BMP1: variants seen among roughly 807,000 people sequenced by gnomAD.
BMP1 encodes the protein bone morphogenetic protein 1.
BMP1 carries 63 observed loss-of-function variants against 116.8 expected under a neutral mutation model. The observed-to-expected ratio is 0.54, with a 90% CI of 0.44 to 0.67. The LOEUF is 0.67. Ranked by LOEUF, BMP1 falls within the 30% of genes least tolerant of loss-of-function variation. The pLI, the probability that BMP1 is intolerant of heterozygous loss-of-function variation, is 0.00. For missense variants in BMP1, 1,183 were observed against 1,358.9 expected, an observed-to-expected ratio of 0.87 and a Z score of 2.04; for synonymous variants, 536 against 533.4, an observed-to-expected ratio of 1.00 and a Z score of -0.07.
At chr8:22,192,611 TC>T (rs1828966456) in intron 9 of BMP1, among the ~76,000 whole-genome samples, 1 of 152,182 alleles carries the variant, frequency 6.6e-6, no homozygotes, top group Non-Finnish European at 1.5e-5. Context: ...CCAGCCCATC[TC>T]CTAACTCACT....
At chr8:22,189,267 T>G (rs1262288890) in intron 8 of BMP1, among the ~76,000 whole-genome samples, 1 of 152,080 alleles carries the variant, frequency 6.6e-6, no homozygotes, top group East Asian at 1.9e-4. Context: ...AGGAATTGTA[T>G]GCACACGTAT....
At chr8:22,185,380 C>T (rs1303082699) in intron 8 of BMP1, among the ~76,000 whole-genome samples, 3 of 151,588 alleles carry the variant, frequency 2.0e-5, no homozygotes, top group Non-Finnish European at 4.4e-5. Context: ...CGCTCAAACC[C>T]GGGAGGTGGA....
At chr8:22,180,562 T>C in intron 8 of BMP1, 79 bp downstream of exon 8, 1 of 1,325,310 alleles carries the variant, frequency 7.5e-7, no homozygotes, top group Non-Finnish European at 1.1e-6. Flanking sequence ...ACAGTGGGGG[T>C]CAATATGGGT....
At chr8:22,202,665 T>G (rs1206053849) in intron 16 of BMP1, among the ~76,000 whole-genome samples, 2 of 152,168 alleles carry the variant, frequency 1.3e-5, no homozygotes, top group South Asian at 2.1e-4. Flanking sequence ...CTGAGCAACA[T>G]AGTGAGACTC....
intron 6 of BMP1, among the ~76,000 whole-genome samples, chr8:22,178,445 G>A (rs567578123): frequency 1.1e-4 from 17 of 152,082 alleles, no homozygotes; most frequent in Non-Finnish European, 2.2e-4. Context: ...ACACGCCACC[G>A]TGCCTTTTTT....
chr8:22,198,882 C>G, intron 15 of BMP1: 1 of 1,105,376 alleles, frequency 9.0e-7, no homozygotes, highest in Non-Finnish European at 1.1e-6. Context: ...CCAATTTCTT[C>G]CTTCCCTGTG....
rs560085204 is a variant in BMP1 at position 22,168,755 on chromosome 8, C to A, written c.148+3202C>A. Among the ~76,000 whole-genome samples the A allele has an allele frequency of 3.2e-3, 488 of 152,242 alleles. 1 individual carries two copies. Among genetic ancestry groups the A allele is most frequent in the Non-Finnish European group, 5.8e-3 (394 of 68,006 alleles). ...AGCTGAGTCACCCCACCCACCCAGG[C>A]CCCTGCCCCTGAGTCACCTTCTTAT... is the stretch of plus-strand genomic sequence containing the variant. On this transcript the variant is annotated intron_variant, in intron 1 of 19. Transcript: ENST00000306385.
chr8:22,173,093 G>T (rs542770147), intron 1 of BMP1, among the ~76,000 whole-genome samples: 45 of 152,226 alleles, frequency 3.0e-4, no homozygotes, highest in African/African-American at 9.6e-4. Flanking sequence ...CGAAGCAGGG[G>T]CCTCTTCTGT....
chr8:22,195,393 G>A, intron 12 of BMP1, 69 bp from the exon 13 acceptor site: 1 of 1,543,290 alleles, frequency 6.5e-7, no homozygotes, highest in Non-Finnish European at 8.7e-7. Flanking sequence ...GAGTGGACAA[G>A]TGAGGCTCAC....
At chr8:22,165,925 G>GTGTGTGT (rs1471427779) in intron 1 of BMP1, among the ~76,000 whole-genome samples, 1 of 146,990 alleles carries the variant, frequency 6.8e-6, no homozygotes, top group Admixed American at 6.8e-5. Flanking sequence ...GTGTGTGTGT[G>GTGTGTGT]TTCTTTCCCC....
intron 16 of BMP1, among the ~76,000 whole-genome samples, chr8:22,204,933 G>A (rs538492539): frequency 8.5e-5 from 13 of 152,310 alleles, no homozygotes; most frequent in South Asian, 4.2e-4. Flanking sequence ...TGAAGGTTCC[G>A]AGGCTGCAGA....
At chr8:22,184,948 C>T (rs1174909759) in intron 8 of BMP1, among the ~76,000 whole-genome samples, 2 of 152,328 alleles carry the variant, frequency 1.3e-5, no homozygotes, top group East Asian at 3.9e-4. Context: ...CAATTCTCAG[C>T]TTATTGCCAG....
intron 8 of BMP1, 123 bp from the exon 9 acceptor site, chr8:22,191,926 C>A: frequency 1.3e-6 from 1 of 756,970 alleles, no homozygotes; most frequent in Non-Finnish European, 2.2e-6. Flanking sequence ...CTTTTGGGAG[C>A]CCCTTAACTC....
At chr8:22,192,637 A>G (rs1324296780) in intron 9 of BMP1, among the ~76,000 whole-genome samples, 1 of 152,212 alleles carries the variant, frequency 6.6e-6, no homozygotes, top group African/African-American at 2.4e-5. Flanking sequence ...AGGGCTGCAC[A>G]CTGGGCGCCG....
chr8:22,165,484 G>A lies in BMP1; in HGVS notation c.79G>A (p.Asp27Asn). Residue 27 changes from aspartate to asparagine, a missense_variant, in exon 1 of 20, where the codon GAC becomes AAC. Around this residue, in one of 4 missense-constraint regions of BMP1, gnomAD observed 185 missense variants for 158.9 expected, o/e 1.16. Coordinates refer to ENST00000306385, the MANE Select transcript of BMP1 (RefSeq NM_006129.5). ...TCCCGGCCGGCCGCTGGACTTGGCCGACTACACCTATGACCTGGCGGAGGA... is the reference window on the plus strand; with the variant it reads ...TCCCGGCCGGCCGCTGGACTTGGCCAACTACACCTATGACCTGGCGGAGGA... ...PRPGRPLDLA[D>N]YTYDLAEEDD... 6.3e-7 allele frequency: 1 copy of A among 1,590,998 alleles called. No individual in the cohort carries two copies. Among genetic ancestry groups the A allele is most frequent in the Non-Finnish European group, 8.5e-7 (1 of 1,171,232 alleles).
intron 8 of BMP1, among the ~76,000 whole-genome samples, chr8:22,182,187 T>G (rs1165338896): frequency 6.6e-6 from 1 of 152,256 alleles, no homozygotes; most frequent in Non-Finnish European, 1.5e-5. Context: ...GCATTGTTCA[T>G]TTCGACATCT....
At chr8:22,197,495 C>A in intron 15 of BMP1, 75 bp downstream of exon 15, 2 of 1,488,922 alleles carry the variant, frequency 1.3e-6, no homozygotes, top group Non-Finnish European at 1.8e-6. Flanking sequence ...TGCCCCTGCA[C>A]CCCTGTACTC....
At chr8:22,168,393 C>CCG (rs1828177583) in intron 1 of BMP1, among the ~76,000 whole-genome samples, 1 of 152,174 alleles carries the variant, frequency 6.6e-6, no homozygotes, top group Non-Finnish European at 1.5e-5. Context: ...AACACCCCCC[C>CCG]GGAGAGACCT....
At position 22,194,260 on chromosome 8, in the gene BMP1, A is replaced by G. The variant is rs1829014224; in HGVS notation, c.1297+86A>G. 6.7e-7 allele frequency: 1 copy of G among 1,487,616 alleles called. No homozygotes were observed. The highest frequency in any genetic ancestry group is 9.4e-7 in the Non-Finnish European group (1 of 1,068,726). The allele number at this position is 1,487,616 out of a possible 1,614,324, so 92.2% of individuals were successfully genotyped here. A position where few individuals can be genotyped will look rare whatever the true frequency, so the allele number is the denominator to read the frequency against. ...AACTCCCTCCTGGCACCTGAGGGGC[A>G]AGATTGTGGGTTCCCAAGGGAAGAA... On this transcript the variant is annotated intron_variant, in intron 10 of 19. Transcript: ENST00000306385. The surrounding 1 kb of genome is among the most constrained non-coding windows in gnomAD (Gnocchi z 4.5).
Sources: allele counts gnomAD v4.1 joint callset (sites outside exome capture counted in the v4.1 genomes callset), GRCh38; gene constraint gnomAD v4.1.1; regional missense constraint gnomAD v4.1.1; non-coding constraint Gnocchi (gnomAD v3.1); transcripts MANE v1.5; gene names NCBI Gene and HGNC (gene_info 2026-07-23, HGNC 2026-07-21).